Variants in MCM6 observed in about 807,000 individuals in gnomAD.
MCM6 encodes DNA replication licensing factor MCM6.
Under a neutral mutation model 94.3 loss-of-function variants are expected in MCM6, and 46 were observed. The ratio of observed to expected loss-of-function variants is 0.49; its 90% CI spans 0.39 to 0.62. The LOEUF is 0.62. Among genes scored for constraint, MCM6 ranks in the 20% least tolerant of loss-of-function variants. MCM6 has a pLI of 0.00. For missense variants in MCM6, 865 were observed against 1,017.9 expected (o/e 0.85, Z 2.04); for synonymous variants, 335 against 351.9 (o/e 0.95, Z 0.54).
At position 135,870,378 on chromosome 2, in the gene MCM6, T is replaced by G; in HGVS notation, c.255-17A>C. 6.3e-7 allele frequency: 1 copy of G among 1,579,352 alleles called. No homozygotes were observed. The highest frequency in any genetic ancestry group is 8.7e-7 in the Non-Finnish European group (1 of 1,148,578). On this transcript the variant is annotated splice_polypyrimidine_tract_variant and intron_variant, in intron 2 of 16. Coordinates refer to ENST00000264156, the MANE Select transcript of MCM6 (RefSeq NM_005915.6). ...GGGTAAACTCTGAAAAACAAAAAAG[T>G]CAGCTGATACCTTAGAGGTTTACCA...
intron 8 of MCM6, 108 bp from the exon 9 acceptor site, chr2:135,859,550 A>C: frequency 2.8e-6 from 2 of 705,744 alleles, no homozygotes; most frequent in Non-Finnish European, 4.5e-6. Flanking sequence ...TTGAGAGCTT[A>C]AGCAATTCAT....
rs764957711 is a variant in MCM6 at position 135,844,590 on chromosome 2, A to C, written c.2304T>G (p.Asn768Lys). The C allele has an allele frequency of 6.3e-7, 1 of 1,579,868 alleles. No individual in the cohort carries two copies. The highest frequency in any genetic ancestry group is 8.6e-7 in the Non-Finnish European group (1 of 1,165,616). Residue 768 changes from asparagine (N) to lysine (K), a missense_variant, in exon 16 of 17, where the codon AAT becomes AAG. Physicochemically the swap from Asn to Lys is moderately conservative, Grantham distance 94. Coordinates refer to ENST00000264156, the MANE Select transcript of MCM6 (RefSeq NM_005915.6). ...TAACTTTCTCTATGATTCTTTTTTT[A>C]TTTATAAGTTCTTCTTCAGAGTCTA... ...SEIDSEEELI[N>K]KKRIIEKVIH...
At chr2:135,852,511 A>G (rs1679796355) in intron 12 of MCM6, among the ~76,000 whole-genome samples, 1 of 152,324 alleles carries the variant, frequency 6.6e-6, no homozygotes, top group African/African-American at 2.4e-5. Context: ...AAATAAAAGA[A>G]TGTTCTAGAT....
intron 2 of MCM6, among the ~76,000 whole-genome samples, chr2:135,871,159 CT>C (rs2105592516): frequency 6.6e-6 from 1 of 152,226 alleles, no homozygotes; most frequent in South Asian, 2.1e-4. Flanking sequence ...TATGCATGTC[CT>C]TTTGATATGT....
At chr2:135,852,755 A>G in intron 12 of MCM6, 32 bp downstream of exon 12, 15 of 1,474,454 alleles carry the variant, frequency 1.0e-5, no homozygotes, top group Non-Finnish European at 1.4e-5. Flanking sequence ...TATACCCATT[A>G]TACCTTATCC....
chr2:135,864,225 T>G (rs758656226), intron 7 of MCM6, among the ~76,000 whole-genome samples: 12 of 152,188 alleles, frequency 7.9e-5, no homozygotes, highest in Non-Finnish European at 1.2e-4. Flanking sequence ...GCCTAAAATT[T>G]TAGTCATAGC....
chr2:135,868,841 A>G lies in MCM6; in HGVS notation c.385T>C (p.Ser129Pro). The G allele has an allele frequency of 6.2e-7, 1 of 1,614,174 alleles. No homozygotes were observed. Among genetic ancestry groups the G allele is most frequent in the Non-Finnish European group, 8.5e-7 (1 of 1,180,014 alleles). The change falls in exon 4 of 17, where the codon TCC becomes CCC. Residue 129 changes from serine (S) to proline (P), a missense_variant. Coordinates refer to ENST00000264156, the MANE Select transcript of MCM6 (RefSeq NM_005915.6). ...TRHKIRELTS[S>P]RIGLLTRISG... is the part of the protein sequence containing the mutation. ...ATGCGAGTGAGCAAACCAATTCTGG[A>G]TGAGGTGAGCTCTCGAATCCTGTTT... is the stretch of plus-strand genomic sequence containing the variant.
At chr2:135,862,857 T>C in intron 7 of MCM6, 109 bp from the exon 8 acceptor site, 1 of 1,158,926 alleles carries the variant, frequency 8.6e-7, no homozygotes, top group Non-Finnish European at 1.2e-6. Flanking sequence ...CAGAGTCAGC[T>C]AAAGCAAAGC....
chr2:135,856,722 G>A lies in MCM6; in HGVS notation c.1626+6C>T. On this transcript the variant is annotated splice_donor_region_variant and intron_variant, in intron 11 of 16. Transcript: ENST00000264156. ...TGGAAATAAAAAAGGAAGCTCATGG[G>A]GTTACCTCATTACATTCATCCACAA... 1 of 1,613,608 alleles carries A rather than the reference G, an allele frequency of 6.2e-7. No homozygotes were observed. Among genetic ancestry groups the A allele is most frequent in the Non-Finnish European group, 8.5e-7 (1 of 1,179,810 alleles).
intron 12 of MCM6, 135 bp downstream of exon 12, chr2:135,852,652 G>GAA (rs368127110): frequency 2.4e-3 from 1,142 of 467,714 alleles, no homozygotes; most frequent in Middle Eastern, 4.5e-3. Context: ...TGCTGTTCCA[G>GAA]AAAAAAAAAA....
At chr2:135,875,034 A>G (rs1465155436) in intron 1 of MCM6, among the ~76,000 whole-genome samples, 1 of 152,152 alleles carries the variant, frequency 6.6e-6, no homozygotes, top group African/African-American at 2.4e-5. Context: ...GTAACGGAGG[A>G]GAGTTCGTGT....
At chr2:135,875,359 C>T (rs1432971679) in intron 1 of MCM6, among the ~76,000 whole-genome samples, 3 of 151,036 alleles carry the variant, frequency 2.0e-5, no homozygotes, top group African/African-American at 2.4e-5. Context: ...GGCTAAATTA[C>T]GCCTCAAAAA....
chr2:135,845,642 A>G (rs1679656938), intron 15 of MCM6, among the ~76,000 whole-genome samples: 2 of 152,252 alleles, frequency 1.3e-5, no homozygotes, highest in Non-Finnish European at 2.9e-5. Context: ...ATGCTTAACT[A>G]TCAAGTAGAA....
rs4988285 is a variant in MCM6 at position 135,839,996 on chromosome 2, T to G, written c.*839A>C. 3.3e-5 allele frequency: 5 copies of G among 152,084 alleles called. No individual in the cohort carries two copies. The highest frequency in any genetic ancestry group is 9.7e-5 in the African/African-American group (4 of 41,368). The allele number at this position is 152,084 out of a possible 1,614,324, so 9.4% of individuals were successfully genotyped here. A position where few individuals can be genotyped will look rare whatever the true frequency, so the allele number is the denominator to read the frequency against. On this transcript the variant is annotated 3_prime_UTR_variant, in exon 17 of 17. Transcript: ENST00000264156. ...GCAACACAGGAACTGCTCCACCTCA[T>G]GAACATACTGATCATAGCTAAGTCT...
chr2:135,876,201 T>C (rs191079), intron 1 of MCM6, 58 bp downstream of exon 1: 464,019 of 1,397,726 alleles, frequency 0.33, 104,052 homozygotes, highest in African/African-American at 0.83. Context: ...CGGCACCGCC[T>C]GGCCCAGACG....
At position 135,872,695 on chromosome 2, in the gene MCM6, A is replaced by G; in HGVS notation, c.254+2T>C. On this transcript the variant is annotated splice_donor_variant, in intron 2 of 16. Transcript: ENST00000264156. LOFTEE classifies it high-confidence loss of function. Reference sequence around the variant, plus strand: ...AAGTAAAGAAGATTAATATGCCCATACCTATAGAACTCCTCTTGAATGGTG... The same window carrying G: ...AAGTAAAGAAGATTAATATGCCCATGCCTATAGAACTCCTCTTGAATGGTG... The G allele has an allele frequency of 6.2e-7, 1 of 1,613,964 alleles. No homozygotes were observed. Among genetic ancestry groups the G allele is most frequent in the Non-Finnish European group, 8.5e-7 (1 of 1,179,970 alleles).
chr2:135,857,511 G>C (rs1237130419), intron 10 of MCM6, among the ~76,000 whole-genome samples: 1 of 151,950 alleles, frequency 6.6e-6, no homozygotes, highest in Non-Finnish European at 1.5e-5. Flanking sequence ...TGAATCTGTA[G>C]CTTTTAAAGT....
chr2:135,868,520 T>C, intron 4 of MCM6, 91 bp downstream of exon 4: 1 of 1,333,430 alleles, frequency 7.5e-7, no homozygotes, highest in South Asian at 1.3e-5. Context: ...AAAAATTGAG[T>C]TGAACATTAT....
intron 2 of MCM6, among the ~76,000 whole-genome samples, chr2:135,872,470 A>C (rs1302270151): frequency 1.3e-5 from 2 of 151,898 alleles, no homozygotes; most frequent in Non-Finnish European, 2.9e-5. Context: ...CAAACAAACA[A>C]ACAAACAAAA....
Sources: allele counts gnomAD v4.1 joint callset (sites outside exome capture counted in the v4.1 genomes callset), GRCh38; gene constraint gnomAD v4.1.1; transcripts MANE v1.5; gene names NCBI Gene and HGNC (gene_info 2026-07-23, HGNC 2026-07-21).